Variants in TCF12 observed in about 807,000 individuals in gnomAD.
The protein encoded by TCF12 is DNA-binding protein HTF4.
Under a neutral mutation model 86.0 loss-of-function variants are expected in TCF12, and 45 were observed. The observed-to-expected ratio is 0.52, with a 90% CI of 0.41 to 0.67. The LOEUF is 0.67. TCF12 is among the 30% of genes least tolerant of loss of function. TCF12 has a pLI of 0.00. For synonymous variants in TCF12, 330 were observed against 299.6 expected, an observed-to-expected ratio of 1.10 and a Z score of -1.05; for missense variants, 881 against 859.9, an observed-to-expected ratio of 1.02 and a Z score of -0.31.
chr15:57,260,146 T>C (rs1331810334), intron 16 of TCF12, among the ~76,000 whole-genome samples: 2 of 152,254 alleles, frequency 1.3e-5, no homozygotes, highest in Non-Finnish European at 2.9e-5. Flanking sequence ...ACTTAGTTTG[T>C]ATTGTTCTAT....
intron 11 of TCF12, among the ~76,000 whole-genome samples, chr15:57,233,530 T>A (rs1480838517): frequency 6.6e-6 from 1 of 151,960 alleles, no homozygotes; most frequent in African/African-American, 2.4e-5. Context: ...AGGGTCTCAC[T>A]CTCTCAGCTC....
intron 3 of TCF12, among the ~76,000 whole-genome samples, chr15:56,962,522 A>T (rs2061810579): frequency 6.6e-6 from 1 of 152,216 alleles, no homozygotes; most frequent in African/African-American, 2.4e-5. Context: ...TATCCATGTT[A>T]AAGAAAAGAT....
intron 3 of TCF12, among the ~76,000 whole-genome samples, chr15:56,967,363 C>T (rs1445415645): frequency 6.6e-6 from 1 of 151,584 alleles, no homozygotes. Context: ...CTGGATTCGC[C>T]AATTGAGAAA....
rs137934114 is a variant in TCF12, at chr15:57,056,116, G to GGTGTGTGTGTGTGTGT, written c.149-7611_149-7596dup. 4.8e-4 allele frequency among the ~76,000 whole-genome samples: 69 copies of GGTGTGTGTGTGTGTGT among 143,330 alleles called. 1 individual carries two copies. The highest frequency in any genetic ancestry group is 1.7e-3 in the African/African-American group (63 of 37,254). 94.0% of individuals were successfully genotyped at this position (143,330 alleles called of 152,430 possible). A position where few individuals can be genotyped will look rare whatever the true frequency, so the allele number is the denominator to read the frequency against. ...TAAATTTCAGATACTTAGTTTTAGGGGTGTGTGTGTGTGTGTGTGTGTGTG... is the reference window on the plus strand; with the variant it reads ...TAAATTTCAGATACTTAGTTTTAGGGGTGTGTGTGTGTGTGTGTGTGTGTGTGTGTGTGTGTGTGTG... On this transcript the variant is annotated intron_variant, in intron 3 of 20. Coordinates refer to ENST00000333725, the MANE Select transcript of TCF12 (RefSeq NM_207037.2).
chr15:57,208,671 C>T (rs1003265373), intron 8 of TCF12, among the ~76,000 whole-genome samples: 1 of 151,752 alleles, frequency 6.6e-6, no homozygotes, highest in Non-Finnish European at 1.5e-5. Flanking sequence ...ATGCGTGAGC[C>T]ACTGCACCCA....
chr15:57,266,474 G>A (rs1180692685), intron 18 of TCF12, among the ~76,000 whole-genome samples: 1 of 152,080 alleles, frequency 6.6e-6, no homozygotes, highest in East Asian at 1.9e-4. Flanking sequence ...GACTAGAATA[G>A]TTGCCACAGA....
At chr15:57,042,506 G>A (rs973769633) in intron 3 of TCF12, among the ~76,000 whole-genome samples, 3 of 151,978 alleles carry the variant, frequency 2.0e-5, no homozygotes, top group Admixed American at 1.3e-4. Flanking sequence ...CTCAAATTCC[G>A]GGGCTGAATT....
rs1211994724 is a variant in TCF12, at chr15:57,247,519, A to G, written c.1115-3831A>G. On this transcript the variant is annotated intron_variant, in intron 13 of 20. Transcript: ENST00000333725. Reference sequence around the variant, plus strand: ...GAACAACAATTTTATCAACTGTATCATGATCATCAAAAGTTATAAAAGCAA... The same window carrying G: ...GAACAACAATTTTATCAACTGTATCGTGATCATCAAAAGTTATAAAAGCAA... 1.8e-5 allele frequency: 16 copies of G among 869,202 alleles called. No individual in the cohort carries two copies. In the Admixed American group the frequency reaches 1.9e-4, roughly 10 times the overall value. 53.8% of individuals were successfully genotyped at this position (869,202 alleles called of 1,614,324 possible).
intron 18 of TCF12, among the ~76,000 whole-genome samples, chr15:57,265,430 C>T (rs990754607): frequency 3.9e-5 from 6 of 152,046 alleles, no homozygotes; most frequent in South Asian, 2.1e-4. Flanking sequence ...AATGGCATCC[C>T]GTCCAGGATT....
intron 3 of TCF12, among the ~76,000 whole-genome samples, chr15:56,958,075 A>C (rs2061573661): frequency 6.6e-6 from 1 of 152,132 alleles, no homozygotes; most frequent in Non-Finnish European, 1.5e-5. Context: ...AGAGTTATTC[A>C]GTCTCTAGCT....
intron 3 of TCF12, among the ~76,000 whole-genome samples, chr15:56,992,743 G>A (rs1230587098): frequency 2.0e-5 from 3 of 152,060 alleles, no homozygotes; most frequent in Non-Finnish European, 2.9e-5. Flanking sequence ...ATAGTGTTAC[G>A]GCTATCTTTT....
At chr15:57,088,438 A>G (rs2048785714) in intron 4 of TCF12, among the ~76,000 whole-genome samples, 1 of 152,038 alleles carries the variant, frequency 6.6e-6, no homozygotes, top group Non-Finnish European at 1.5e-5. Context: ...TCTACTTTTA[A>G]AACTACATGG....
chr15:57,221,418 G>T (rs1319774741), intron 8 of TCF12, among the ~76,000 whole-genome samples: 1 of 147,400 alleles, frequency 6.8e-6, no homozygotes, highest in Non-Finnish European at 1.5e-5. Flanking sequence ...GTGTGCACGT[G>T]TATAAGTTCA....
chr15:56,961,463 G>C (rs1346213713), intron 3 of TCF12, among the ~76,000 whole-genome samples: 2 of 152,150 alleles, frequency 1.3e-5, no homozygotes, highest in East Asian at 1.9e-4. Flanking sequence ...AGTTAGATTT[G>C]TATAAGCAAC....
Position 57,232,840 on chromosome 15 carries a change from A to C in TCF12, c.954A>C (p.Gly318=). ...CCTCACACACTCCTCCCATCAATGG[A>C]TCAGACAGCATTCTAGGTGAGCTTT... ...VAASHTPPIN[G]SDSILGTRGN... Residue 318 remains glycine, a synonymous_variant, in exon 11 of 21, where the codon GGA becomes GGC. Transcript: ENST00000333725. The C allele has an allele frequency of 1.3e-6, 2 of 1,593,640 alleles. No homozygotes were observed. The highest frequency in any genetic ancestry group is 1.7e-6 in the Non-Finnish European group (2 of 1,170,508).
chr15:57,136,798 C>T (rs1277829332), intron 5 of TCF12, among the ~76,000 whole-genome samples: 1 of 151,824 alleles, frequency 6.6e-6, no homozygotes, highest in Admixed American at 6.6e-5. Flanking sequence ...ACCTAAGCCT[C>T]CTGAGTAGCT....
Position 57,187,611 on chromosome 15 carries a change from A to G in TCF12, c.391-4547A>G, listed in dbSNP as rs118032346. 7.4e-3 allele frequency among the ~76,000 whole-genome samples: 1,133 copies of G among 152,312 alleles called. 5 individuals are homozygous for G. Among genetic ancestry groups the G allele is most frequent in the Non-Finnish European group, 0.01 (688 of 68,024 alleles). ...AGCCGTCCTGGGCCACGTAACCCACAGGCTGTGGGTTGGACAAGCTTGTTC... is the reference window on the plus strand; with the variant it reads ...AGCCGTCCTGGGCCACGTAACCCACGGGCTGTGGGTTGGACAAGCTTGTTC... On this transcript the variant is annotated intron_variant, in intron 6 of 20. Transcript: ENST00000333725.
At chr15:57,087,051 G>C (rs961127021) in intron 4 of TCF12, among the ~76,000 whole-genome samples, 15 of 141,268 alleles carry the variant, frequency 1.1e-4, no homozygotes, top group African/African-American at 3.5e-4. Context: ...CTCTCCCTCT[G>C]TCTCCCTCTG....
chr15:56,984,284 G>A (rs915970746), intron 3 of TCF12, among the ~76,000 whole-genome samples: 10 of 151,318 alleles, frequency 6.6e-5, no homozygotes, highest in Admixed American at 2.0e-4. Flanking sequence ...GTGTGTGTGT[G>A]TGTGTGTGTG....
Sources: allele counts gnomAD v4.1 joint callset (sites outside exome capture counted in the v4.1 genomes callset), GRCh38; gene constraint gnomAD v4.1.1; transcripts MANE v1.5; gene names NCBI Gene and HGNC (gene_info 2026-07-23, HGNC 2026-07-21).